The following PCDHGB5 variants were observed in gnomAD, a reference collection of about 807,000 sequenced individuals.
PCDHGB5 encodes the protein protocadherin gamma subfamily B, 5.
PCDHGB5 carries 48 observed loss-of-function variants against 62.9 expected under a neutral mutation model. The ratio of observed to expected loss-of-function variants is 0.76; its 90% confidence interval spans 0.61 to 0.97. The LOEUF is 0.97. Among genes scored for constraint, PCDHGB5 ranks in the 50% least tolerant of loss-of-function variants. The pLI is 0.00. For missense variants in PCDHGB5, 1,118 were observed against 1,198.6 expected, an observed-to-expected ratio of 0.93 and a Z score of 0.99; for synonymous variants, 474 against 511.2, an observed-to-expected ratio of 0.93 and a Z score of 0.98.
intron 1 of PCDHGB5, chr5:141,426,849 G>A (rs749455878): frequency 2.4e-5 from 11 of 456,660 alleles, no homozygotes; most frequent in South Asian, 1.7e-4. Flanking sequence ...AGGCAAGAAC[G>A]CTCCAGAATT....
intron 1 of PCDHGB5, among the ~76,000 whole-genome samples, chr5:141,468,306 C>T (rs1006015063): frequency 9.5e-6 from 1 of 105,260 alleles, no homozygotes; most frequent in African/African-American, 3.7e-5. Context: ...GCCTGGGCAA[C>T]AAGAGCAACG....
Position 141,489,592 on chromosome 5 carries a change from C to T in PCDHGB5, c.2398-5215C>T, listed in dbSNP as rs747085985. 1.3e-5 allele frequency: 21 copies of T among 1,613,928 alleles called. No individual in the cohort carries two copies. The East Asian group carries it at 1.6e-4, about 12-fold the overall frequency. ...GACTGAACACCCCCTGGAGCTAATC[C>T]GTGTAGAGGTAGAGATCCTGGATCT... is the stretch of plus-strand genomic sequence containing the variant. On this transcript the variant is annotated intron_variant, in intron 1 of 3. Transcript: ENST00000617380. This position sits in a 1 kb window ranked among gnomAD's most constrained non-coding sequence, Gnocchi z 4.5.
At chr5:141,481,606 C>T (rs2099540144) in intron 1 of PCDHGB5, among the ~76,000 whole-genome samples, 1 of 152,000 alleles carries the variant, frequency 6.6e-6, no homozygotes, top group South Asian at 2.1e-4. Context: ...TCACCTGAGG[C>T]CAGGAGTTCA....
At chr5:141,404,692 C>G (rs543452623) in intron 1 of PCDHGB5, 2 of 1,614,080 alleles carry the variant, frequency 1.2e-6, no homozygotes, top group South Asian at 2.2e-5. Context: ...TGGCACCCCG[C>G]TCTGCAGAGC....
At chr5:141,428,727 A>G (rs1348450181) in intron 1 of PCDHGB5, 1 of 160,588 alleles carries the variant, frequency 6.2e-6, no homozygotes, top group Non-Finnish European at 1.4e-5. Context: ...AAAATCTTAA[A>G]CATATTATAT....
chr5:141,414,799 G>A, intron 1 of PCDHGB5: 1 of 1,614,214 alleles, frequency 6.2e-7, no homozygotes, highest in Non-Finnish European at 8.5e-7. Context: ...CAGCGACAGC[G>A]GGGATCCTCC....
chr5:141,424,690 TA>T (rs796070231), intron 1 of PCDHGB5: 89 of 152,358 alleles, frequency 5.8e-4, no homozygotes, highest in African/African-American at 1.9e-3. Context: ...TCCTTCTGGC[TA>T]TTTTTTTGTT....
chr5:141,510,895 CTGT>C, intron 3 of PCDHGB5, 49 bp from the exon 4 acceptor site: 1 of 1,612,988 alleles, frequency 6.2e-7, no homozygotes, highest in Non-Finnish European at 8.5e-7. Flanking sequence ...AAGACAGTGA[CTGT>C]TGAGGACCCT....
At chr5:141,433,607 G>T (rs1209706866) in intron 1 of PCDHGB5, among the ~76,000 whole-genome samples, 1 of 152,080 alleles carries the variant, frequency 6.6e-6, no homozygotes. Flanking sequence ...AGGCCGAGGC[G>T]GGTGGATCAC....
In PCDHGB5 at chr5:141,418,448, C is replaced by T. The variant is rs1240295197; in HGVS notation, c.2397+17924C>T. On this transcript the variant is annotated intron_variant, in intron 1 of 3. Transcript: ENST00000617380. ...TGGCAAATATCCAGAATTAGTATTG[C>T]AGAAGACTCTGGACCGAGAAACGCA... 1.9e-6 allele frequency: 3 copies of T among 1,613,850 alleles called. No homozygotes were observed. The African/African-American group carries it at 4.0e-5, about 22-fold the overall frequency.
Position 141,432,427 on chromosome 5 carries a change from C to T in PCDHGB5, c.2397+31903C>T, listed in dbSNP as rs775150918. 2.2e-5 allele frequency: 36 copies of T among 1,614,124 alleles called. No homozygotes were observed. The highest frequency in any genetic ancestry group is 3.1e-5 in the Non-Finnish European group (36 of 1,180,044). ...TGAGCCTGTTCGTGCTGGACCAGAA[C>T]GACAATGCGCCCGAGATCCTGTACC... On this transcript the variant is annotated intron_variant, in intron 1 of 3. Transcript: ENST00000617380. This position sits in a 1 kb window ranked among gnomAD's most constrained non-coding sequence, Gnocchi z 6.0.
At chr5:141,443,872 A>C (rs1446612063) in intron 1 of PCDHGB5, among the ~76,000 whole-genome samples, 4 of 152,212 alleles carry the variant, frequency 2.6e-5, no homozygotes, top group African/African-American at 9.7e-5. Flanking sequence ...AAAATTACTG[A>C]TAAGTCAAGA....
intron 3 of PCDHGB5, among the ~76,000 whole-genome samples, chr5:141,506,417 A>C (rs1326078146): frequency 6.8e-6 from 1 of 147,658 alleles, no homozygotes; most frequent in Non-Finnish European, 1.5e-5. Context: ...ACTGCACTCC[A>C]GCCTGGGCAA....
Position 141,485,574 on chromosome 5 carries a change from C to T in PCDHGB5, c.2398-9233C>T. 1 of 1,612,568 alleles carries T rather than the reference C, an allele frequency of 6.2e-7. No homozygotes were observed. Among genetic ancestry groups the T allele is most frequent in the Non-Finnish European group, 8.5e-7 (1 of 1,178,752 alleles). On this transcript the variant is annotated intron_variant, in intron 1 of 3. Transcript: ENST00000617380. This position sits in a 1 kb window ranked among gnomAD's most constrained non-coding sequence, Gnocchi z 5.7. ...GTGAATGATCACGCCCCCCGTTTTCCGCGGCAGCAGCTGGACTTGGAAATT... is the reference window on the plus strand; with the variant it reads ...GTGAATGATCACGCCCCCCGTTTTCTGCGGCAGCAGCTGGACTTGGAAATT...
intron 1 of PCDHGB5, chr5:141,405,079 C>G (rs1383258618): frequency 6.2e-7 from 1 of 1,613,898 alleles, no homozygotes; most frequent in South Asian, 1.1e-5. Context: ...CCTTCGTTAT[C>G]ACGCTGCTGG....
chr5:141,410,245 C>T, intron 1 of PCDHGB5: 1 of 1,614,038 alleles, frequency 6.2e-7, no homozygotes. Context: ...GCCCTGTACT[C>T]TCTGACCCCC....
intron 1 of PCDHGB5, among the ~76,000 whole-genome samples, chr5:141,456,306 G>A (rs937409031): frequency 4.6e-5 from 7 of 152,158 alleles, no homozygotes; most frequent in Admixed American, 2.6e-4. Context: ...GAGAACAGCA[G>A]CTAGGGCTCC....
intron 1 of PCDHGB5, chr5:141,403,949 G>T: frequency 1.2e-6 from 2 of 1,613,886 alleles, no homozygotes; most frequent in Non-Finnish European, 1.7e-6. Flanking sequence ...GTGGACAAAA[G>T]TGCTCATTTC....
At position 141,398,977 on chromosome 5, in the gene PCDHGB5, A is replaced by G. The variant is rs761532339; in HGVS notation, c.850A>G (p.Thr284Ala). The G allele has an allele frequency of 1.2e-6, 2 of 1,613,952 alleles. No homozygotes were observed. Among genetic ancestry groups the G allele is most frequent in the Non-Finnish European group, 1.7e-6 (2 of 1,179,904 alleles). The change falls in exon 1 of 4, where the codon ACC (threonine) becomes GCC (alanine). Residue 284 changes from threonine to alanine, a missense_variant. Coordinates refer to ENST00000617380, the MANE Select transcript of PCDHGB5 (RefSeq NM_018925.3). ...AGAAATTACTTATTCCTTCTACAGA[A>G]CCGGGCAAATCTTTAGTCTGAATTC... ...NSEITYSFYR[T>A]GQIFSLNSKS...
Sources: gnomAD v4.1 joint callset for allele counts (sites outside exome capture counted in the v4.1 genomes callset) on GRCh38, gnomAD v4.1.1 for gene constraint, Gnocchi (gnomAD v3.1) non-coding constraint, MANE v1.5 for transcripts, NCBI Gene and HGNC (gene_info 2026-07-23, HGNC 2026-07-21) for gene names.